The following FAT4 variants were observed in gnomAD, a reference collection of about 807,000 sequenced individuals.
The protein encoded by FAT4 is protocadherin Fat 4.
Under a neutral mutation model 303.9 loss-of-function variants are expected in FAT4, and 84 were observed. The ratio of observed to expected loss-of-function variants is 0.28; its 90% CI spans 0.23 to 0.33. The LOEUF (loss-of-function observed/expected upper bound fraction) is 0.33, where lower values mean the gene tolerates loss of function less well. Among genes scored for constraint, FAT4 ranks in the 10% least tolerant of loss-of-function variants. FAT4 has a pLI of 1.00. For missense variants in FAT4, 6,005 were observed against 6,146.8 expected, an observed-to-expected ratio of 0.98 and a Z score of 0.77; for synonymous variants, 2,307 against 2,298.8, an observed-to-expected ratio of 1.00 and a Z score of -0.10.
intron 10 of FAT4, among the ~76,000 whole-genome samples, chr4:125,457,906 T>A (rs1303211962): frequency 6.6e-6 from 1 of 152,056 alleles, no homozygotes; most frequent in Non-Finnish European, 1.5e-5. Flanking sequence ...GTCTTGCACT[T>A]AATAGAACAC....
rs1056083552 is a variant in FAT4, at chr4:125,452,256, C to T, written c.11246C>T (p.Ala3749Val). The T allele has an allele frequency of 5.0e-6, 8 of 1,614,230 alleles. No homozygotes were observed. Among genetic ancestry groups the T allele is most frequent in the Non-Finnish European group, 5.9e-6 (7 of 1,180,034 alleles). The change falls in exon 10 of 18, where the codon GCT (alanine) becomes GTT (valine). Residue 3749 changes from alanine to valine, a missense_variant. Ala to Val is a moderately conservative substitution (Grantham distance 64). Coordinates refer to ENST00000394329, the MANE Select transcript of FAT4 (RefSeq NM_001291303.3). ...ASSQLTGLGT[A>V]VQLYSAYEEN... is the part of the protein sequence containing the mutation. Reference sequence around the variant, plus strand: ...TCACAGCTGACAGGCTTAGGGACTGCTGTGCAACTGTACAGTGCATATGAA... The same window carrying T: ...TCACAGCTGACAGGCTTAGGGACTGTTGTGCAACTGTACAGTGCATATGAA...
intron 7 of FAT4, among the ~76,000 whole-genome samples, chr4:125,430,661 G>GA (rs11449318): frequency 0.99 from 148,915 of 150,526 alleles, 73,679 homozygotes; most frequent in Non-Finnish European, 1. Context: ...CTTGAGGTGG[G>GA]AAAAAAAAAT....
chr4:125,469,755 A>C lies in FAT4; in HGVS notation c.12213+936A>C, dbSNP rs180986806. ...TACCACATTGGCAATTACTTCCTCCATTGAAGTCTGGAAGCCCTCAAGCTC... is the reference window on the plus strand; with the variant it reads ...TACCACATTGGCAATTACTTCCTCCCTTGAAGTCTGGAAGCCCTCAAGCTC... On this transcript the variant is annotated intron_variant, in intron 12 of 17. Coordinates refer to ENST00000394329, the MANE Select transcript of FAT4 (RefSeq NM_001291303.3). Among the ~76,000 whole-genome samples, 72 of 152,266 alleles carry C rather than the reference A, an allele frequency of 4.7e-4. 1 individual carries two copies. In the East Asian group the frequency reaches 7.0e-3, roughly 15 times the overall value.
At chr4:125,466,672 A>G (rs952073150) in intron 11 of FAT4, among the ~76,000 whole-genome samples, 2 of 150,748 alleles carry the variant, frequency 1.3e-5, no homozygotes. Flanking sequence ...TCTATATATC[A>G]TATATATGAC....
chr4:125,367,508 C>A (rs540414206), intron 2 of FAT4, among the ~76,000 whole-genome samples: 1 of 152,192 alleles, frequency 6.6e-6, no homozygotes, highest in Admixed American at 6.5e-5. Context: ...ATGTTTTAAG[C>A]ACCTATTAAC....
In FAT4 at chr4:125,319,558, T is replaced by C; in HGVS notation, c.3147T>C (p.Asp1049=). The change falls in exon 2 of 18, where the codon GAT becomes GAC. Residue 1049 remains aspartate (D), a synonymous_variant. Transcript: ENST00000394329. The stretch of plus-strand genomic sequence containing the variant: ...GGGATGCTTTTGGCATATTCCCAGA[T>C]GGTCAATTGTATATAAAAAGTGAAC... ...NTGDAFGIFP[D]GQLYIKSELD... is the part of the protein sequence containing the mutation. 1.2e-6 allele frequency: 2 copies of C among 1,614,178 alleles called. No homozygotes were observed. The highest frequency in any genetic ancestry group is 1.3e-5 in the African/African-American group (1 of 75,054).
At position 125,479,785 on chromosome 4, in the gene FAT4, A is replaced by T; in HGVS notation, c.12524A>T (p.His4175Leu). The T allele has an allele frequency of 1.2e-6, 2 of 1,603,344 alleles. No homozygotes were observed. Among genetic ancestry groups the T allele is most frequent in the Non-Finnish European group, 1.7e-6 (2 of 1,172,200 alleles). The change falls in exon 15 of 18, where the codon CAT (histidine) becomes CTT (leucine). Residue 4175 changes from histidine (H) to leucine (L), a missense_variant. By Grantham distance (99) the His-to-Leu change is moderately conservative. Coordinates refer to ENST00000394329, the MANE Select transcript of FAT4 (RefSeq NM_001291303.3). ...GCTTGTACTCGCAGCCCATGCCAAC[A>T]TGGTGGCACATGTATGGATTACTGG... is the stretch of plus-strand genomic sequence containing the variant. ...EGACTRSPCQ[H>L]GGTCMDYWSW... is the part of the protein sequence containing the mutation.
chr4:125,393,794 C>A (rs1734063426), intron 2 of FAT4: 3 of 483,042 alleles, frequency 6.2e-6, no homozygotes, highest in Non-Finnish European at 7.5e-6. Context: ...AAAGACAGAT[C>A]ATTTGTGAAC....
chr4:125,434,145 T>C, intron 7 of FAT4, 100 bp from the exon 8 acceptor site: 1 of 1,090,266 alleles, frequency 9.2e-7, no homozygotes. Context: ...ACTTTGATGT[T>C]TCCTAAATTC....
intron 11 of FAT4, among the ~76,000 whole-genome samples, chr4:125,467,673 T>C (rs1049194395): frequency 6.6e-6 from 1 of 152,164 alleles, no homozygotes; most frequent in Non-Finnish European, 1.5e-5. Flanking sequence ...AAGACAGTTA[T>C]TTCCTTTCCT....
At chr4:125,430,766 A>C (rs1052460501) in intron 7 of FAT4, among the ~76,000 whole-genome samples, 1 of 152,094 alleles carries the variant, frequency 6.6e-6, no homozygotes, top group African/African-American at 2.4e-5. Flanking sequence ...TTGAAAACAG[A>C]CTCATATAGA....
intron 10 of FAT4, among the ~76,000 whole-genome samples, chr4:125,461,217 T>C (rs1192887323): frequency 6.6e-6 from 1 of 152,048 alleles, no homozygotes; most frequent in African/African-American, 2.4e-5. Flanking sequence ...AAATATTTTA[T>C]ACAGGGTTAA....
At position 125,319,224 on chromosome 4, in the gene FAT4, A is replaced by G. The variant is rs745508088; in HGVS notation, c.2813A>G (p.Asn938Ser). The change falls in exon 2 of 18, where the codon AAC (asparagine) becomes AGC (serine). Residue 938 changes from asparagine to serine, a missense_variant. By Grantham distance (46) the Asn-to-Ser change is conservative. Coordinates refer to ENST00000394329, the MANE Select transcript of FAT4 (RefSeq NM_001291303.3). ...TATAGTCTGAAGCAAAACCCCAAGA[A>G]CCTGTTTGCTATCAATGAAAAGAAT... ...VLYSLKQNPK[N>S]LFAINEKNGT... 5.5e-5 allele frequency: 89 copies of G among 1,613,796 alleles called. No homozygotes were observed. The highest frequency in any genetic ancestry group is 7.2e-5 in the Non-Finnish European group (85 of 1,179,952).
intron 2 of FAT4, among the ~76,000 whole-genome samples, chr4:125,330,806 CA>C (rs1257920144): frequency 6.6e-6 from 1 of 152,118 alleles, no homozygotes; most frequent in Non-Finnish European, 1.5e-5. Context: ...TTCATTTGCC[CA>C]AAAACTTCCT....
chr4:125,345,797 T>C (rs1731978017), intron 2 of FAT4, among the ~76,000 whole-genome samples: 3 of 152,050 alleles, frequency 2.0e-5, no homozygotes, highest in Admixed American at 1.3e-4. Flanking sequence ...ATCACATATA[T>C]ACATGTAGTG....
chr4:125,491,960 G>A lies in FAT4; in HGVS notation c.*192G>A, dbSNP rs1727669575. On this transcript the variant is annotated 3_prime_UTR_variant, in exon 18 of 18. Transcript: ENST00000394329. ...ACAACTCTTAATTTAAACATGTGTG[G>A]TTGAATTTATTTCCCTGCATGCATT... The A allele has an allele frequency of 3.4e-6, 2 of 580,896 alleles. No individual in the cohort carries two copies. Among genetic ancestry groups the A allele is most frequent in the Non-Finnish European group, 5.8e-6 (2 of 345,512 alleles). The allele number at this position is 580,896 out of a possible 1,614,324, so 36.0% of individuals were successfully genotyped here.
intron 2 of FAT4, among the ~76,000 whole-genome samples, chr4:125,388,741 T>C (rs1037834410): frequency 3.3e-5 from 5 of 152,188 alleles, no homozygotes; most frequent in Non-Finnish European, 5.9e-5. Context: ...GGTTCTAACT[T>C]GAACAATATT....
intron 8 of FAT4, among the ~76,000 whole-genome samples, chr4:125,439,125 G>C (rs1331412641): frequency 6.6e-6 from 1 of 152,048 alleles, no homozygotes; most frequent in Admixed American, 6.6e-5. Flanking sequence ...AAATCAGACT[G>C]TATTAATTCT....
At chr4:125,406,220 TC>T (rs1734600999) in intron 3 of FAT4, among the ~76,000 whole-genome samples, 2 of 152,178 alleles carry the variant, frequency 1.3e-5, no homozygotes, top group South Asian at 4.1e-4. Flanking sequence ...CATATGGATA[TC>T]CAGTTTTCCC....
Sources: allele counts gnomAD v4.1 joint callset (sites outside exome capture counted in the v4.1 genomes callset), GRCh38; gene constraint gnomAD v4.1.1; transcripts MANE v1.5; gene names NCBI Gene and HGNC (gene_info 2026-07-23, HGNC 2026-07-21).